The following TCHHL1 variants were observed in gnomAD, a reference collection of about 807,000 sequenced individuals.
TCHHL1 encodes trichohyalin like 1, also known as trichohyalin-like protein 1.
TCHHL1 carries 1 observed loss-of-function variant against 3.5 expected under a neutral mutation model. The observed-to-expected ratio is 0.29, with a 90% CI of 0.10 to 1.36. The LOEUF (loss-of-function observed/expected upper bound fraction) is 1.36, where lower values mean the gene tolerates loss of function less well. Ranked by LOEUF, TCHHL1 falls within the 40% of genes most tolerant of loss-of-function variation. The probability of loss-of-function intolerance (pLI) is 0.43; values close to 1 mark genes in which losing one functional copy is unlikely to be tolerated. For synonymous variants in TCHHL1, 405 were observed against 375.3 expected (o/e 1.08, Z -0.92); for missense variants, 1,027 against 1,032.8 (o/e 0.99, Z 0.08).
At position 152,086,541 on chromosome 1, in the gene TCHHL1, C is replaced by T; in HGVS notation, c.1141G>A (p.Gly381Ser). 2.5e-6 allele frequency: 4 copies of T among 1,614,132 alleles called. No homozygotes were observed. Among genetic ancestry groups the T allele is most frequent in the Non-Finnish European group, 3.4e-6 (4 of 1,180,038 alleles). ...TCTCTCATGTCAGATGTTTCTGAAC[C>T]ATTTCTGCTACCATATTGGACTGGC... ...DLPVQYGSRN[G>S]SETSDMRDER... Residue 381 changes from glycine (G) to serine (S), a missense_variant, in exon 3 of 3, where the codon GGT becomes AGT. Gly to Ser is a moderately conservative substitution (Grantham distance 56). Transcript: ENST00000368806.
At position 152,085,070 on chromosome 1, in the gene TCHHL1, C is replaced by G. The variant is rs376845053; in HGVS notation, c.2612G>C (p.Gly871Ala). 6.2e-7 allele frequency: 1 copy of G among 1,614,020 alleles called. No individual in the cohort carries two copies. Among genetic ancestry groups the G allele is most frequent in the South Asian group, 1.1e-5 (1 of 91,074 alleles). ...RGLPLDESPA[G>A]AQETPAPQAL... is the part of the protein sequence containing the mutation. ...CTGGGGAGCTGGTGTTTCCTGTGCACCAGCAGGACTCTCATCAAGTGGAAG... is the reference window on the plus strand; with the variant it reads ...CTGGGGAGCTGGTGTTTCCTGTGCAGCAGCAGGACTCTCATCAAGTGGAAG... Residue 871 changes from glycine to alanine, a missense_variant, in exon 3 of 3, where the codon GGT becomes GCT. This residue lies in a region of TCHHL1 where 673 missense variants were observed against 658.6 expected (regional missense o/e 1.02). Coordinates refer to ENST00000368806, the MANE Select transcript of TCHHL1 (RefSeq NM_001008536.2).
At position 152,087,547 on chromosome 1, in the gene TCHHL1, C is replaced by T; in HGVS notation, c.139-4G>A. The stretch of plus-strand genomic sequence containing the variant: ...CCACAGCATGAAGGACACAGGGCTG[C>T]ATGAAAACACAGTGAGAAATCAGCT... On this transcript the variant is annotated splice_polypyrimidine_tract_variant and splice_region_variant and intron_variant, in intron 2 of 2. Transcript: ENST00000368806. 1 of 1,579,272 alleles carries T rather than the reference C, an allele frequency of 6.3e-7. No individual in the cohort carries two copies. Among genetic ancestry groups the T allele is most frequent in the Non-Finnish European group, 8.5e-7 (1 of 1,171,240 alleles).
At position 152,087,560 on chromosome 1, in the gene TCHHL1, T is replaced by C. The variant is rs1159735429; in HGVS notation, c.139-17A>G. On this transcript the variant is annotated splice_polypyrimidine_tract_variant and intron_variant, in intron 2 of 2. Transcript: ENST00000368806. Reference sequence around the variant, plus strand: ...GACACAGGGCTGCATGAAAACACAGTGAGAAATCAGCTTATTTATATGTGG... The same window carrying C: ...GACACAGGGCTGCATGAAAACACAGCGAGAAATCAGCTTATTTATATGTGG... 7.0e-6 allele frequency: 11 copies of C among 1,569,658 alleles called. No homozygotes were observed. The highest frequency in any genetic ancestry group is 9.4e-6 in the Non-Finnish European group (11 of 1,167,040).
Position 152,085,033 on chromosome 1 carries a change from A to G in TCHHL1, c.2649T>C (p.Asp883=). The part of the protein sequence containing the change: ...QETPAPQALE[D]KQGHPQRERL... ...TCTCTCTCTGAGGGTGACCTTGCTT[A>G]TCTTCCAAGGCCTGGGGAGCTGGTG... The change falls in exon 3 of 3, where the codon GAT becomes GAC. Residue 883 remains aspartate (D), a synonymous_variant. Coordinates refer to ENST00000368806, the MANE Select transcript of TCHHL1 (RefSeq NM_001008536.2). The G allele has an allele frequency of 6.2e-7, 1 of 1,613,988 alleles. No homozygotes were observed.
chr1:152,084,943 G>A lies in TCHHL1; in HGVS notation c.*24C>T. 6.3e-7 allele frequency: 1 copy of A among 1,597,224 alleles called. No individual in the cohort carries two copies. The highest frequency in any genetic ancestry group is 8.5e-7 in the Non-Finnish European group (1 of 1,170,582). The stretch of plus-strand genomic sequence containing the variant: ...TTGAGGGTGATTGGGAGAGAAATTG[G>A]GGGCATGTTGAGATGATAATGATTC... On this transcript the variant is annotated 3_prime_UTR_variant, in exon 3 of 3. Coordinates refer to ENST00000368806, the MANE Select transcript of TCHHL1 (RefSeq NM_001008536.2).
In TCHHL1 at chr1:152,087,333, C is replaced by T. The variant is rs144841272; in HGVS notation, c.349G>A (p.Gly117Arg). The T allele has an allele frequency of 7.4e-5, 119 of 1,613,718 alleles. 2 individuals are homozygous for T. In the Middle Eastern group the frequency reaches 1.2e-3, roughly 16 times the overall value. The part of the protein sequence containing the change: ...LDDVDVQATT[G>R]DGQWTVGTSP... ...GTTCCCACTGTCCACTGACCATCTC[C>T]GGTGGTTGCCTGAACATCCACATCA... The change falls in exon 3 of 3, where the codon GGA becomes AGA. Residue 117 changes from glycine (G) to arginine (R), a missense_variant. Gly to Arg is a moderately radical substitution (Grantham distance 125, BLOSUM62 -2). Around this residue, in one of 3 missense-constraint regions of TCHHL1, gnomAD observed 338 missense variants for 335.9 expected, o/e 1.01. Coordinates refer to ENST00000368806, the MANE Select transcript of TCHHL1 (RefSeq NM_001008536.2).
Position 152,085,783 on chromosome 1 carries a change from G to C in TCHHL1, c.1899C>G (p.His633Gln). The change falls in exon 3 of 3, where the codon CAC becomes CAG. Residue 633 changes from histidine (H) to glutamine (Q), a missense_variant. By Grantham distance (24) the His-to-Gln change is conservative (BLOSUM62 0). This residue lies in a region of TCHHL1 where 673 missense variants were observed against 658.6 expected (regional missense o/e 1.02). Coordinates refer to ENST00000368806, the MANE Select transcript of TCHHL1 (RefSeq NM_001008536.2). ...EDQEQPARGEHKNQGPGTKGP... is the reference protein window; with the variant it reads ...EDQEQPARGEQKNQGPGTKGP... ...CTTTGGTCCCTGGGCCTTGATTCTTGTGTTCTCCTCTGGCAGGCTGTTCCT... is the reference window on the plus strand; with the variant it reads ...CTTTGGTCCCTGGGCCTTGATTCTTCTGTTCTCCTCTGGCAGGCTGTTCCT... The C allele has an allele frequency of 6.2e-7, 1 of 1,614,150 alleles. No homozygotes were observed. Among genetic ancestry groups the C allele is most frequent in the Non-Finnish European group, 8.5e-7 (1 of 1,180,044 alleles).
rs1295822157 is a variant in TCHHL1 at position 152,086,995 on chromosome 1, C to G, written c.687G>C (p.Lys229Asn). Residue 229 changes from lysine to asparagine, a missense_variant, in exon 3 of 3, where the codon AAG becomes AAC. Physicochemically the swap from Lys to Asn is moderately conservative, Grantham distance 94. Transcript: ENST00000368806. ...GTTCATCTCCTTCCTGGGAGATCTCCTTATCTTGTCCCTTCCTCTCTGTGG... is the reference window on the plus strand; with the variant it reads ...GTTCATCTCCTTCCTGGGAGATCTCGTTATCTTGTCCCTTCCTCTCTGTGG... ...SSPTERKGQD[K>N]EISQEGDEPA... is the part of the protein sequence containing the mutation. 1 of 1,614,086 alleles carries G rather than the reference C, an allele frequency of 6.2e-7. No homozygotes were observed. Among genetic ancestry groups the G allele is most frequent in the East Asian group, 2.2e-5 (1 of 44,876 alleles).
At position 152,086,536 on chromosome 1, in the gene TCHHL1, T is replaced by C. The variant is rs1196990871; in HGVS notation, c.1146A>G (p.Ser382=). 1 of 1,614,100 alleles carries C rather than the reference T, an allele frequency of 6.2e-7. No individual in the cohort carries two copies. ...TTTCATCTCTCATGTCAGATGTTTC[T>C]GAACCATTTCTGCTACCATATTGGA... The part of the protein sequence containing the change: ...LPVQYGSRNG[S]ETSDMRDERK... Residue 382 remains serine (S), a synonymous_variant, in exon 3 of 3, where the codon TCA becomes TCG. Coordinates refer to ENST00000368806, the MANE Select transcript of TCHHL1 (RefSeq NM_001008536.2).
chr1:152,088,303 T>C, intron 1 of TCHHL1, 140 bp from the exon 2 acceptor site: 1 of 673,100 alleles, frequency 1.5e-6, no homozygotes, highest in Non-Finnish European at 2.2e-6. Context: ...ATATCTGAAC[T>C]CCAGGGGTGA....
rs745794476 is a variant in TCHHL1, at chr1:152,086,499, T to C, written c.1183A>G (p.Arg395Gly). The C allele has an allele frequency of 1.2e-6, 2 of 1,614,198 alleles. No homozygotes were observed. Among genetic ancestry groups the C allele is most frequent in the Admixed American group, 1.7e-5 (1 of 60,024 alleles). The change falls in exon 3 of 3, where the codon AGA becomes GGA. Residue 395 changes from arginine (R) to glycine (G), a missense_variant. Transcript: ENST00000368806. ...GCTGTTCCATGGGCCTCAGGACCTCTCCTCTCTTTCCTTTCATCTCTCATG... is the reference window on the plus strand; with the variant it reads ...GCTGTTCCATGGGCCTCAGGACCTCCCCTCTCTTTCCTTTCATCTCTCATG... The part of the protein sequence containing the change: ...SDMRDERKER[R>G]GPEAHGTAGQ...
rs1405888658 is a variant in TCHHL1 at position 152,084,586 on chromosome 1, A to G, written c.*381T>C. The G allele has an allele frequency of 5.9e-6, 1 of 168,072 alleles. No individual in the cohort carries two copies. The highest frequency in any genetic ancestry group is 2.4e-5 in the African/African-American group (1 of 41,746). The allele number at this position is 168,072 out of a possible 1,614,324, so 10.4% of individuals were successfully genotyped here. A position where few individuals can be genotyped will look rare whatever the true frequency, so the allele number is the denominator to read the frequency against. On this transcript the variant is annotated 3_prime_UTR_variant, in exon 3 of 3. Coordinates refer to ENST00000368806, the MANE Select transcript of TCHHL1 (RefSeq NM_001008536.2). Reference sequence around the variant, plus strand: ...ATATATGAATTAATATTTTATGATTATGAGATATTATTGCAGAGTCTTATA... The same window carrying G: ...ATATATGAATTAATATTTTATGATTGTGAGATATTATTGCAGAGTCTTATA...
rs778205310 is a variant in TCHHL1, at chr1:152,085,012, T to A, written c.2670A>T (p.Arg890Ser). Residue 890 changes from arginine to serine, a missense_variant, in exon 3 of 3, where the codon AGA (arginine) becomes AGT (serine). Physicochemically the swap from Arg to Ser is moderately radical, Grantham distance 110. This residue lies in a region of TCHHL1 where 673 missense variants were observed against 658.6 expected (regional missense o/e 1.02). Transcript: ENST00000368806. ...CCTCCCTTTGTAGTACCAGCCTCTC[T>A]CTCTGAGGGTGACCTTGCTTATCTT... ...ALEDKQGHPQ[R>S]ERLVLQREAS... 1 of 1,614,028 alleles carries A rather than the reference T, an allele frequency of 6.2e-7. No individual in the cohort carries two copies. Among genetic ancestry groups the A allele is most frequent in the South Asian group, 1.1e-5 (1 of 91,080 alleles).
In TCHHL1 at chr1:152,084,856, A is replaced by G; in HGVS notation, c.*111T>C. 8.1e-7 allele frequency: 1 copy of G among 1,239,954 alleles called. No individual in the cohort carries two copies. The highest frequency in any genetic ancestry group is 1.1e-6 in the Non-Finnish European group (1 of 889,778). The allele number at this position is 1,239,954 out of a possible 1,614,324, so 76.8% of individuals were successfully genotyped here. A position where few individuals can be genotyped will look rare whatever the true frequency, so the allele number is the denominator to read the frequency against. ...TGAATATTTTATTATTTGTTTTTGTAGAAATTTAGGAAGAGAATTTAAAAG... is the reference window on the plus strand; with the variant it reads ...TGAATATTTTATTATTTGTTTTTGTGGAAATTTAGGAAGAGAATTTAAAAG... On this transcript the variant is annotated 3_prime_UTR_variant, in exon 3 of 3. Coordinates refer to ENST00000368806, the MANE Select transcript of TCHHL1 (RefSeq NM_001008536.2).
chr1:152,085,523 A>T lies in TCHHL1; in HGVS notation c.2159T>A (p.Leu720Gln), dbSNP rs761405600. The change falls in exon 3 of 3, where the codon CTG (leucine) becomes CAG (glutamine). Residue 720 changes from leucine (L) to glutamine (Q), a missense_variant. Leu to Gln is a moderately radical substitution (Grantham distance 113). Coordinates refer to ENST00000368806, the MANE Select transcript of TCHHL1 (RefSeq NM_001008536.2). ...ATTGTCCTCATCTAGACTTTCTAAC[A>T]GAGTATTCTGGGCCTCTGTTGCTCT... ...KGRATEAQNT[L>Q]LESLDEDNSA... 3.1e-6 allele frequency: 5 copies of T among 1,614,158 alleles called. No homozygotes were observed. In the Admixed American group the frequency reaches 8.3e-5, roughly 27 times the overall value.
At position 152,085,394 on chromosome 1, in the gene TCHHL1, CT is replaced by C. The variant is rs945527814; in HGVS notation, c.2287del (p.Ser763ValfsTer53). On this transcript the variant is annotated frameshift_variant, in exon 3 of 3. Transcript: ENST00000368806. LOFTEE classifies it low-confidence loss of function (END_TRUNC). Reference protein sequence around the residue: ...ELAGEGGDQKSPAKKEHNSSV... With the variant: ...ELAGEGGDQKXPAKKEHNSSV... ...AGAATTGTGCTCTTTCTTGGCTGGA[CT>C]TTTTTGGTCACCACCTTCTCCTGCC... 6.2e-7 allele frequency: 1 copy of C among 1,614,074 alleles called. No homozygotes were observed. The highest frequency in any genetic ancestry group is 8.5e-7 in the Non-Finnish European group (1 of 1,180,028).
rs189210079 is a variant in TCHHL1 at position 152,088,250 on chromosome 1, A to G, written c.-20-87T>C. On this transcript the variant is annotated intron_variant, in intron 1 of 2. Transcript: ENST00000368806. The stretch of plus-strand genomic sequence containing the variant: ...AGATTATCCTTTTTGTTCCTCCCCC[A>G]TCTCCACTGCAACCCCTGCTCTATT... The G allele has an allele frequency of 1.7e-5, 20 of 1,180,062 alleles. No homozygotes were observed. In the African/African-American group the frequency reaches 2.8e-4, roughly 16 times the overall value. The allele number at this position is 1,180,062 out of a possible 1,614,324, so 73.1% of individuals were successfully genotyped here.
Position 152,086,251 on chromosome 1 carries a change from T to C in TCHHL1, c.1431A>G (p.Ala477=), listed in dbSNP as rs940274348. 1 of 1,614,126 alleles carries C rather than the reference T, an allele frequency of 6.2e-7. No individual in the cohort carries two copies. The highest frequency in any genetic ancestry group is 1.3e-5 in the African/African-American group (1 of 74,934). ...EEAEHTKEGT[A]EAFVNSKNAP... is the part of the protein sequence containing the mutation. The stretch of plus-strand genomic sequence containing the variant: ...CGTTTTTGCTGTTCACAAATGCTTC[T>C]GCTGTGCCTTCTTTGGTGTGTTCTG... Residue 477 remains alanine, a synonymous_variant, in exon 3 of 3, where the codon GCA becomes GCG. Transcript: ENST00000368806.
Position 152,087,136 on chromosome 1 carries a change from G to A in TCHHL1, c.546C>T (p.His182=), listed in dbSNP as rs758769556. The A allele has an allele frequency of 6.2e-7, 1 of 1,613,976 alleles. No individual in the cohort carries two copies. ...CCTGACTTTGTTCATCTCCTTCCAG[G>A]TGTTTGTTCTTAGGATCATTGTGTT... ...ASEHNDPKNK[H]LEGDEQSQEV... Residue 182 remains histidine (H), a synonymous_variant, in exon 3 of 3, where the codon CAC becomes CAT. Coordinates refer to ENST00000368806, the MANE Select transcript of TCHHL1 (RefSeq NM_001008536.2).
Sources: allele counts gnomAD v4.1 joint callset, GRCh38; gene constraint gnomAD v4.1.1; regional missense constraint gnomAD v4.1.1; transcripts MANE v1.5; gene names NCBI Gene and HGNC (gene_info 2026-07-23, HGNC 2026-07-21).